Variants in BTBD9 observed in about 807,000 individuals in gnomAD.
BTBD9 encodes the protein BTB/POZ domain-containing protein 9.
BTBD9 carries 49 observed loss-of-function variants against 64.3 expected under a neutral mutation model. That is an observed-to-expected ratio of 0.76 (90% CI 0.61 to 0.97). The LOEUF is 0.97. BTBD9 is among the 50% of genes least tolerant of loss of function. The probability of loss-of-function intolerance (pLI) is 0.00; values close to 1 mark genes in which losing one functional copy is unlikely to be tolerated. For missense variants in BTBD9, 598 were observed against 762.1 expected, an observed-to-expected ratio of 0.78 and a Z score of 2.53; for synonymous variants, 260 against 274.7, an observed-to-expected ratio of 0.95 and a Z score of 0.53.
At chr6:38,441,246 GA>G (rs1769015092) in intron 6 of BTBD9, among the ~76,000 whole-genome samples, 1 of 152,190 alleles carries the variant, frequency 6.6e-6, no homozygotes, top group Non-Finnish European at 1.5e-5. Flanking sequence ...GAAGGGCTAA[GA>G]ATGTGTTCTC....
At chr6:38,311,859 CTTTT>C (rs1284879551) in intron 7 of BTBD9, among the ~76,000 whole-genome samples, 2 of 151,900 alleles carry the variant, frequency 1.3e-5, no homozygotes, top group African/African-American at 4.8e-5. Flanking sequence ...AGCACCTTTT[CTTTT>C]TTATTTTTAT....
rs572387314 is a variant in BTBD9 at position 38,276,291 on chromosome 6, T to C, written c.1454+11981A>G. Among the ~76,000 whole-genome samples the C allele has an allele frequency of 6.7e-5, 10 of 148,670 alleles. No individual in the cohort carries two copies. In the South Asian group the frequency reaches 1.7e-3, roughly 26 times the overall value. ...GCATGTTCTCACTCATAGGTGGGAA[T>C]TGAACAATGGAACACATGGACACAG... is the stretch of plus-strand genomic sequence containing the variant. On this transcript the variant is annotated intron_variant, in intron 8 of 10. Transcript: ENST00000481247.
chr6:38,296,918 A>T (rs748373674), intron 7 of BTBD9, among the ~76,000 whole-genome samples: 122 of 152,188 alleles, frequency 8.0e-4, no homozygotes, highest in Non-Finnish European at 1.6e-3. Flanking sequence ...GGTCTAGTAC[A>T]TGGCTAATTC....
intron 6 of BTBD9, among the ~76,000 whole-genome samples, chr6:38,377,141 A>T (rs934739338): frequency 4.6e-5 from 7 of 152,222 alleles, no homozygotes; most frequent in African/African-American, 1.7e-4. Context: ...TTTCTCATTC[A>T]AAGTGCTACC....
At chr6:38,587,220 G>A (rs1187748102) in intron 4 of BTBD9, 2 of 214,276 alleles carry the variant, frequency 9.3e-6, no homozygotes, top group Non-Finnish European at 1.9e-5. Flanking sequence ...CTGGCGGCCT[G>A]ACATCGGCCC....
At chr6:38,415,636 AC>A (rs1371662211) in intron 6 of BTBD9, among the ~76,000 whole-genome samples, 1 of 152,192 alleles carries the variant, frequency 6.6e-6, no homozygotes, top group East Asian at 1.9e-4. Flanking sequence ...GTTATCCTCT[AC>A]TTCTATTCAA....
At chr6:38,459,940 G>A (rs767469679) in intron 6 of BTBD9, among the ~76,000 whole-genome samples, 3 of 152,142 alleles carry the variant, frequency 2.0e-5, no homozygotes, top group Non-Finnish European at 4.4e-5. Flanking sequence ...ACAACATTAC[G>A]AGAACAGAGT....
chr6:38,329,983 G>C (rs1763607265), intron 7 of BTBD9, among the ~76,000 whole-genome samples: 1 of 152,022 alleles, frequency 6.6e-6, no homozygotes, highest in Non-Finnish European at 1.5e-5. Context: ...GTATTACTGA[G>C]ACTGGTAAGA....
chr6:38,193,517 A>G (rs1762169642), intron 9 of BTBD9, among the ~76,000 whole-genome samples: 1 of 152,218 alleles, frequency 6.6e-6, no homozygotes, highest in South Asian at 2.1e-4. Context: ...ATTGATCAGC[A>G]TGGGCCAGGC....
intron 7 of BTBD9, among the ~76,000 whole-genome samples, chr6:38,343,695 ATTAATATTTATATTTAATG>A (rs1251156050): frequency 6.6e-6 from 1 of 152,222 alleles, no homozygotes; most frequent in Non-Finnish European, 1.5e-5. Context: ...CACACAAATT[ATTAATATTTATATTTAATG>A]TTAAAATTAT....
In BTBD9 at chr6:38,460,027, T is replaced by A. The variant is rs543946579; in HGVS notation, c.1155-114934A>T. ...GCTAGCTTATGATATAAATTTCAAT[T>A]AGAAAATCCTAGCAAAACAGTCTAT... is the stretch of plus-strand genomic sequence containing the variant. On this transcript the variant is annotated intron_variant, in intron 6 of 10. Transcript: ENST00000481247. Among the ~76,000 whole-genome samples, 5 of 152,346 alleles carry A rather than the reference T, an allele frequency of 3.3e-5. No homozygotes were observed. The South Asian group carries it at 1.0e-3, about 32-fold the overall frequency.
intron 8 of BTBD9, among the ~76,000 whole-genome samples, chr6:38,287,691 C>T (rs1184075657): frequency 6.6e-6 from 1 of 152,142 alleles, no homozygotes; most frequent in Admixed American, 6.5e-5. Context: ...AATTGGCTGA[C>T]AGTGCATTTC....
At chr6:38,599,390 A>G (rs376555553) in intron 1 of BTBD9, among the ~76,000 whole-genome samples, 2 of 152,220 alleles carry the variant, frequency 1.3e-5, no homozygotes, top group African/African-American at 4.8e-5. Flanking sequence ...GGCTCAAGTG[A>G]TCCTCCCACC....
chr6:38,359,051 G>A (rs1035912283), intron 6 of BTBD9, among the ~76,000 whole-genome samples: 6 of 152,142 alleles, frequency 3.9e-5, no homozygotes, highest in Non-Finnish European at 7.4e-5. Flanking sequence ...GATTACAGGC[G>A]TGAGCCACCG....
At chr6:38,534,956 G>A (rs1266213172) in intron 6 of BTBD9, among the ~76,000 whole-genome samples, 7 of 152,076 alleles carry the variant, frequency 4.6e-5, no homozygotes, top group African/African-American at 1.7e-4. Flanking sequence ...CTAAGATCTG[G>A]AACATGATAA....
chr6:38,192,584 C>T lies in BTBD9; in HGVS notation c.1576G>A (p.Val526Ile), dbSNP rs530677113. 2 of 1,613,750 alleles carry T rather than the reference C, an allele frequency of 1.2e-6. No individual in the cohort carries two copies. Among genetic ancestry groups the T allele is most frequent in the Admixed American group, 1.7e-5 (1 of 59,974 alleles). Residue 526 changes from valine (V) to isoleucine (I), a missense_variant, in exon 10 of 11, where the codon GTA becomes ATA. Transcript: ENST00000481247. ...TKVSCKSWQS[V>I]TFERQPASFI... Reference sequence around the variant, plus strand: ...GAGGCAGGCTGCCTTTCAAAAGTTACTGACTGCCAGGACCTGTGAGAGGAA... The same window carrying T: ...GAGGCAGGCTGCCTTTCAAAAGTTATTGACTGCCAGGACCTGTGAGAGGAA...
intron 9 of BTBD9, among the ~76,000 whole-genome samples, chr6:38,242,217 G>T (rs909106702): frequency 6.6e-6 from 1 of 152,082 alleles, no homozygotes; most frequent in Non-Finnish European, 1.5e-5. Flanking sequence ...ATCACCAGTC[G>T]TCCCAGGCAC....
intron 6 of BTBD9, among the ~76,000 whole-genome samples, chr6:38,407,545 T>C: frequency 6.6e-6 from 1 of 152,128 alleles, no homozygotes. Flanking sequence ...AGAGTCTAGC[T>C]GGGGTTTTGA....
chr6:38,441,478 C>T (rs180761028), intron 6 of BTBD9, among the ~76,000 whole-genome samples: 1 of 152,012 alleles, frequency 6.6e-6, no homozygotes, highest in African/African-American at 2.4e-5. Flanking sequence ...CTGGACAACG[C>T]GAGCCAATCA....
Sources: gnomAD v4.1 joint callset for allele counts (sites outside exome capture counted in the v4.1 genomes callset) on GRCh38, gnomAD v4.1.1 for gene constraint, MANE v1.5 for transcripts, NCBI Gene and HGNC (gene_info 2026-07-23, HGNC 2026-07-21) for gene names.